The following ELAPOR2 variants were observed in gnomAD, a reference collection of about 807,000 sequenced individuals.
ELAPOR2 encodes the protein endosome/lysosome-associated apoptosis and autophagy regulator family member 2.
ELAPOR2 carries 89 observed loss-of-function variants against 120.7 expected under a neutral mutation model. The observed-to-expected ratio is 0.74, with a 90% confidence interval of 0.62 to 0.88. The LOEUF (loss-of-function observed/expected upper bound fraction) is 0.88. ELAPOR2 is among the 40% of genes least tolerant of loss of function. ELAPOR2 has a pLI of 0.00. For synonymous variants in ELAPOR2, 444 were observed against 444.9 expected, an observed-to-expected ratio of 1.00 and a Z score of 0.03; for missense variants, 1,134 against 1,251.6, an observed-to-expected ratio of 0.91 and a Z score of 1.42.
chr7:86,930,524 T>G (rs1288379402), intron 8 of ELAPOR2, among the ~76,000 whole-genome samples: 2 of 151,968 alleles, frequency 1.3e-5, no homozygotes, highest in Non-Finnish European at 2.9e-5. Context: ...GTTACAGACA[T>G]TGAGCATTTG....
At position 86,912,053 on chromosome 7, in the gene ELAPOR2, C is replaced by T. The variant is rs370971153; in HGVS notation, c.2169+19G>A. On this transcript the variant is annotated intron_variant, in intron 15 of 21. Coordinates refer to ENST00000450689, the MANE Select transcript of ELAPOR2 (RefSeq NM_001142749.3). ...GAGCTGAAATATAGGTCCATCTCACCTTGACAGCCAGAACTCACCTCATGC... is the reference window on the plus strand; with the variant it reads ...GAGCTGAAATATAGGTCCATCTCACTTTGACAGCCAGAACTCACCTCATGC... 558 of 1,590,720 alleles carry T rather than the reference C, an allele frequency of 3.5e-4. No homozygotes were observed. Among genetic ancestry groups the T allele is most frequent in the Admixed American group, 7.9e-4 (47 of 59,172 alleles).
intron 8 of ELAPOR2, among the ~76,000 whole-genome samples, chr7:86,928,099 A>C (rs557993811): frequency 1.7e-3 from 257 of 151,976 alleles, no homozygotes; most frequent in Middle Eastern, 3.4e-3. Context: ...GTCTCAAAAT[A>C]GTTATAAATA....
chr7:86,934,193 A>G (rs1181541812), intron 8 of ELAPOR2, among the ~76,000 whole-genome samples: 2 of 151,998 alleles, frequency 1.3e-5, no homozygotes, highest in Admixed American at 6.6e-5. Context: ...GAACAATGTC[A>G]TATAAAAATG....
chr7:86,938,195 A>T lies in ELAPOR2; in HGVS notation c.1020T>A (p.Cys340Ter). The T allele has an allele frequency of 6.4e-7, 1 of 1,550,870 alleles. No individual in the cohort carries two copies. The highest frequency in any genetic ancestry group is 2.4e-5 in the East Asian group (1 of 41,140). Reference sequence around the variant, plus strand: ...TTGTGGTACAGGGAGGGCGCTCTGTACACTCACTGGATCCTTCCTCTGCAA... The same window carrying T: ...TTGTGGTACAGGGAGGGCGCTCTGTTCACTCACTGGATCCTTCCTCTGCAA... Reference protein sequence around the residue: ...SQFSEEGSSECTERPPCTTKD... With the variant: ...SQFSEEGSSE Residue 340 changes from cysteine (C) to a stop codon, truncating the protein, a stop_gained, in exon 8 of 22, where the codon TGT becomes TGA. Transcript: ENST00000450689. LOFTEE classifies it high-confidence loss of function.
chr7:86,935,348 T>C (rs1266502878), intron 8 of ELAPOR2, among the ~76,000 whole-genome samples: 3 of 152,038 alleles, frequency 2.0e-5, no homozygotes, highest in Admixed American at 6.6e-5. Context: ...TGTCAGGTCT[T>C]CACCATCCCG....
At chr7:86,985,860 T>C (rs930183944) in intron 1 of ELAPOR2, among the ~76,000 whole-genome samples, 2 of 151,702 alleles carry the variant, frequency 1.3e-5, no homozygotes, top group African/African-American at 2.4e-5. Context: ...ATGTTCCCCT[T>C]CCTGTGTCCA....
intron 1 of ELAPOR2, among the ~76,000 whole-genome samples, chr7:87,008,246 C>T (rs1793547143): frequency 6.6e-6 from 1 of 152,178 alleles, no homozygotes; most frequent in East Asian, 1.9e-4. Context: ...TTCCACAAAC[C>T]CAACTGGACA....
chr7:87,051,152 A>G (rs1163492137), intron 1 of ELAPOR2, among the ~76,000 whole-genome samples: 1 of 152,172 alleles, frequency 6.6e-6, no homozygotes, highest in Non-Finnish European at 1.5e-5. Flanking sequence ...CTAGGAGTGT[A>G]AGGATGACAG....
At chr7:86,894,708 A>C (rs1788356989) in intron 19 of ELAPOR2, among the ~76,000 whole-genome samples, 1 of 152,106 alleles carries the variant, frequency 6.6e-6, no homozygotes, top group African/African-American at 2.4e-5. Context: ...TCATTGGAAA[A>C]CAAAAAATGG....
chr7:86,906,831 C>T (rs1416780812), intron 18 of ELAPOR2, among the ~76,000 whole-genome samples: 1 of 151,674 alleles, frequency 6.6e-6, no homozygotes, highest in Non-Finnish European at 1.5e-5. Context: ...GAGTTTGAGA[C>T]CAGCTTGGGC....
At chr7:86,905,396 C>T (rs1788965663) in intron 18 of ELAPOR2, among the ~76,000 whole-genome samples, 1 of 151,536 alleles carries the variant, frequency 6.6e-6, no homozygotes, top group Non-Finnish European at 1.5e-5. Context: ...GTTCTGATCT[C>T]CGAGCTCCCC....
rs866128372 is a variant in ELAPOR2, at chr7:86,897,430, A to G, written c.2685+76T>C. On this transcript the variant is annotated intron_variant, in intron 19 of 21. Coordinates refer to ENST00000450689, the MANE Select transcript of ELAPOR2 (RefSeq NM_001142749.3). ...ATACAAGCTTTTGCCATACTTCTGG[A>G]CCTGAGTTTCTATGATTTGATGCCA... The G allele has an allele frequency of 1.7e-5, 26 of 1,521,426 alleles. No homozygotes were observed. The African/African-American group carries it at 3.5e-4, about 20-fold the overall frequency. The allele number at this position is 1,521,426 out of a possible 1,614,324, so 94.2% of individuals were successfully genotyped here. A position where few individuals can be genotyped will look rare whatever the true frequency, so the allele number is the denominator to read the frequency against.
At chr7:87,019,168 GTTTA>G (rs199593832) in intron 1 of ELAPOR2, among the ~76,000 whole-genome samples, 2,166 of 152,064 alleles carry the variant, frequency 0.014, 57 homozygotes, top group African/African-American at 0.049. Context: ...TTGTATTTTT[GTTTA>G]TTTATTTTTG....
At chr7:86,906,207 T>G (rs1789005835) in intron 18 of ELAPOR2, among the ~76,000 whole-genome samples, 1 of 151,936 alleles carries the variant, frequency 6.6e-6, no homozygotes, top group Admixed American at 6.6e-5. Context: ...TATTAGAAAA[T>G]GATGAAAGAC....
intron 2 of ELAPOR2, among the ~76,000 whole-genome samples, chr7:86,955,802 GT>G (rs1791445158): frequency 6.6e-6 from 1 of 151,896 alleles, no homozygotes. Context: ...CTTTTCTACT[GT>G]TTCTAGTGGC....
chr7:86,936,126 ACATAGT>A (rs1212492612), intron 8 of ELAPOR2, among the ~76,000 whole-genome samples: 3 of 152,042 alleles, frequency 2.0e-5, no homozygotes, highest in Non-Finnish European at 4.4e-5. Flanking sequence ...GAGAACCAAA[ACATAGT>A]CATTGAACAA....
chr7:86,880,637 G>A, intron 21 of ELAPOR2, 107 bp from the exon 22 acceptor site: 2 of 704,756 alleles, frequency 2.8e-6, no homozygotes, highest in Non-Finnish European at 4.8e-6. Flanking sequence ...AACCTATCTA[G>A]TTGCCACTTG....
intron 1 of ELAPOR2, among the ~76,000 whole-genome samples, chr7:86,977,362 T>C (rs1408492753): frequency 6.6e-6 from 1 of 152,152 alleles, no homozygotes; most frequent in African/African-American, 2.4e-5. Flanking sequence ...TAATGTTAAA[T>C]CTAAAAACTT....
chr7:87,001,350 T>G (rs1793309204), intron 1 of ELAPOR2, among the ~76,000 whole-genome samples: 1 of 152,028 alleles, frequency 6.6e-6, no homozygotes, highest in Admixed American at 6.6e-5. Flanking sequence ...CCCACAATAA[T>G]CCAAGAAAGC....
Sources: allele counts gnomAD v4.1 joint callset (sites outside exome capture counted in the v4.1 genomes callset), GRCh38; gene constraint gnomAD v4.1.1; transcripts MANE v1.5; gene names NCBI Gene and HGNC (gene_info 2026-07-23, HGNC 2026-07-21).